CTNNA3: variants seen among roughly 807,000 people sequenced by gnomAD.
The protein encoded by CTNNA3 is catenin alpha-3.
A neutral mutation model predicts 95.7 loss-of-function variants in CTNNA3; 76 were observed. That is an observed-to-expected ratio of 0.79 (90% CI 0.66 to 0.96). The LOEUF is 0.96. CTNNA3 is among the 40% of genes least tolerant of loss of function. CTNNA3 has a pLI of 0.00. For synonymous variants in CTNNA3, 431 were observed against 374.4 expected, an observed-to-expected ratio of 1.15 and a Z score of -1.74; for missense variants, 1,191 against 1,089.8, an observed-to-expected ratio of 1.09 and a Z score of -1.31.
chr10:66,034,032 T>C (rs2079506418), intron 15 of CTNNA3, among the ~76,000 whole-genome samples: 1 of 149,154 alleles, frequency 6.7e-6, no homozygotes, highest in Non-Finnish European at 1.5e-5. Context: ...ATATACCTCA[T>C]AGGATTTACT....
rs1020193152 is a variant in CTNNA3, at chr10:67,035,456, A to AT, written c.1047+144860dup. ...AGTTGTTGCTCTTGTAGATGTTGGT[A>AT]TTTTTTTTTAATTTTGAAGTTGGGG... On this transcript the variant is annotated intron_variant, in intron 7 of 17. Transcript: ENST00000433211. Among the ~76,000 whole-genome samples, 51 of 151,498 alleles carry AT rather than the reference A, an allele frequency of 3.4e-4. 1 individual carries two copies. Among genetic ancestry groups the AT allele is most frequent in the South Asian group, 8.4e-4 (4 of 4,780 alleles).
At chr10:66,815,387 T>C (rs1842036256) in intron 7 of CTNNA3, among the ~76,000 whole-genome samples, 1 of 152,154 alleles carries the variant, frequency 6.6e-6, no homozygotes, top group African/African-American at 2.4e-5. Context: ...TGAGAATCAG[T>C]AGCCTGGCAG....
intron 7 of CTNNA3, among the ~76,000 whole-genome samples, chr10:67,163,205 G>T (rs890033188): frequency 1.3e-5 from 2 of 151,824 alleles, no homozygotes; most frequent in African/African-American, 4.8e-5. Flanking sequence ...TAATAGAGAT[G>T]AAAATATTTC....
chr10:66,449,882 A>G (rs921871989), intron 11 of CTNNA3, among the ~76,000 whole-genome samples: 3 of 152,022 alleles, frequency 2.0e-5, no homozygotes, highest in African/African-American at 7.3e-5. Flanking sequence ...AAATACTGAA[A>G]ATTCTAACTT....
intron 12 of CTNNA3, among the ~76,000 whole-genome samples, chr10:66,345,553 A>T (rs1335799380): frequency 6.6e-6 from 1 of 152,072 alleles, no homozygotes; most frequent in African/African-American, 2.4e-5. Context: ...TTTTCTCTAA[A>T]TAAATGTAAA....
intron 13 of CTNNA3, among the ~76,000 whole-genome samples, chr10:66,261,092 T>C (rs916330533): frequency 1.3e-5 from 2 of 152,108 alleles, no homozygotes; most frequent in African/African-American, 4.8e-5. Flanking sequence ...AGAATGTATG[T>C]GAAGTTCCTG....
intron 5 of CTNNA3, among the ~76,000 whole-genome samples, chr10:67,238,257 G>A (rs1007339273): frequency 3.9e-5 from 6 of 152,258 alleles, no homozygotes; most frequent in Admixed American, 1.3e-4. Flanking sequence ...ACAGTTGGGA[G>A]CTAAAGCCAT....
intron 13 of CTNNA3, among the ~76,000 whole-genome samples, chr10:66,145,527 G>T (rs2083839786): frequency 1.3e-5 from 2 of 152,198 alleles, no homozygotes; most frequent in South Asian, 4.2e-4. Context: ...AGTGGGGAAG[G>T]GTTTCTCTAC....
At chr10:66,849,453 G>A (rs535842107) in intron 7 of CTNNA3, among the ~76,000 whole-genome samples, 2 of 152,240 alleles carry the variant, frequency 1.3e-5, no homozygotes, top group South Asian at 4.1e-4. Flanking sequence ...AGATTGAATA[G>A]TGTGCCCCAA....
chr10:66,982,088 C>T (rs571478956), intron 7 of CTNNA3, among the ~76,000 whole-genome samples: 4 of 151,994 alleles, frequency 2.6e-5, no homozygotes, highest in South Asian at 4.1e-4. Context: ...GAGAATTCCA[C>T]GAAAAAGGAT....
At chr10:66,491,968 T>A (rs901959098) in intron 11 of CTNNA3, among the ~76,000 whole-genome samples, 2 of 139,254 alleles carry the variant, frequency 1.4e-5, no homozygotes, top group African/African-American at 5.7e-5. Context: ...TCTCTTTTTT[T>A]AATGTTTCCT....
intron 5 of CTNNA3, among the ~76,000 whole-genome samples, chr10:67,367,617 G>A (rs111532189): frequency 0.027 from 4,103 of 152,230 alleles, 108 homozygotes; most frequent in South Asian, 0.1. Flanking sequence ...CACACACCCA[G>A]ATCTTCATCA....
chr10:66,333,755 C>A (rs965224211), intron 12 of CTNNA3, among the ~76,000 whole-genome samples: 6 of 151,310 alleles, frequency 4.0e-5, no homozygotes, highest in Non-Finnish European at 7.4e-5. Flanking sequence ...CTGCTTGGTG[C>A]AGAGCTGAGT....
At chr10:67,242,027 T>C (rs12265991) in intron 5 of CTNNA3, among the ~76,000 whole-genome samples, 32,278 of 152,086 alleles carry the variant, frequency 0.21, 4,094 homozygotes, top group African/African-American at 0.35. Flanking sequence ...ACATCTGCTC[T>C]TAAAGCCTGT....
At chr10:66,974,273 G>T (rs1196564297) in intron 7 of CTNNA3, among the ~76,000 whole-genome samples, 3 of 152,304 alleles carry the variant, frequency 2.0e-5, no homozygotes, top group African/African-American at 7.2e-5. Flanking sequence ...ACATAGGCTG[G>T]AGAATAAGTT....
At chr10:65,946,520 A>G (rs993034354) in intron 17 of CTNNA3, among the ~76,000 whole-genome samples, 6 of 152,114 alleles carry the variant, frequency 3.9e-5, no homozygotes, top group African/African-American at 1.4e-4. Flanking sequence ...CTACTTCCTA[A>G]TTTAAACAAA....
At position 66,009,801 on chromosome 10, in the gene CTNNA3, T is replaced by C. The variant is rs902988626; in HGVS notation, c.2160-21004A>G. On this transcript the variant is annotated intron_variant, in intron 15 of 17. Coordinates refer to ENST00000433211, the MANE Select transcript of CTNNA3 (RefSeq NM_013266.4). ...GTAAGCATGTTGAAGGCATGGTCCA[T>C]GGCTGACTCATGCTCGGTTTTCCCA... 2.0e-5 allele frequency among the ~76,000 whole-genome samples: 3 copies of C among 152,228 alleles called. No individual in the cohort carries two copies. The South Asian group carries it at 6.2e-4, about 32-fold the overall frequency.
At chr10:66,511,684 T>A (rs1016983304) in intron 11 of CTNNA3, among the ~76,000 whole-genome samples, 1 of 151,968 alleles carries the variant, frequency 6.6e-6, no homozygotes, top group Non-Finnish European at 1.5e-5. Context: ...AGTGTTCCTC[T>A]TGTTATTGAT....
intron 9 of CTNNA3, among the ~76,000 whole-genome samples, chr10:66,645,279 C>G (rs564560610): frequency 2.0e-3 from 310 of 152,146 alleles, no homozygotes; most frequent in Non-Finnish European, 3.4e-3. Flanking sequence ...CTGCCTAGCC[C>G]TAGATCCCGA....
Sources: allele counts gnomAD v4.1 joint callset (sites outside exome capture counted in the v4.1 genomes callset), GRCh38; gene constraint gnomAD v4.1.1; transcripts MANE v1.5; gene names NCBI Gene and HGNC (gene_info 2026-07-23, HGNC 2026-07-21).